The following SLC39A11 variants were observed in gnomAD, a reference collection of about 807,000 sequenced individuals.
SLC39A11 encodes solute carrier family 39 member 11.
A neutral mutation model predicts 36.1 loss-of-function variants in SLC39A11; 33 were observed. The observed-to-expected ratio is 0.91, with a 90% CI of 0.69 to 1.22. The LOEUF (loss-of-function observed/expected upper bound fraction) is 1.22. Ranked by LOEUF, SLC39A11 falls within the 50% of genes most tolerant of loss-of-function variation. SLC39A11 has a pLI of 0.00. For synonymous variants in SLC39A11, 166 were observed against 170.3 expected, an observed-to-expected ratio of 0.97 and a Z score of 0.20; for missense variants, 432 against 430.3, an observed-to-expected ratio of 1.00 and a Z score of -0.03.
chr17:72,693,024 C>T (rs2144459037), intron 7 of SLC39A11, among the ~76,000 whole-genome samples: 1 of 152,330 alleles, frequency 6.6e-6, no homozygotes, highest in African/African-American at 2.4e-5. Flanking sequence ...TATCAGCATT[C>T]TAGGGGTTTT....
intron 4 of SLC39A11, among the ~76,000 whole-genome samples, chr17:72,962,266 A>G (rs117505483): frequency 0.018 from 2,709 of 152,140 alleles, 43 homozygotes; most frequent in Middle Eastern, 0.027. Flanking sequence ...GCCTCAAACA[A>G]CACTCCTTTT....
chr17:73,008,256 C>T (rs1464786348), intron 4 of SLC39A11, among the ~76,000 whole-genome samples: 1 of 150,046 alleles, frequency 6.7e-6, no homozygotes, highest in Non-Finnish European at 1.5e-5. Context: ...CACAGCATCC[C>T]TAGTAGCTGG....
At chr17:72,810,084 C>CAAAAAAAAAAAAA (rs10708067) in intron 6 of SLC39A11, among the ~76,000 whole-genome samples, 1 of 136,710 alleles carries the variant, frequency 7.3e-6, no homozygotes, top group African/African-American at 2.7e-5. Context: ...ACAAAAACAA[C>CAAAAAAAAAAAAA]AAAAAAAAAA....
intron 4 of SLC39A11, among the ~76,000 whole-genome samples, chr17:72,965,196 T>C (rs2466508): frequency 0.92 from 140,433 of 151,908 alleles, 65,351 homozygotes; most frequent in Non-Finnish European, 0.98. Flanking sequence ...CATGTATACA[T>C]ATGTAACAAA....
chr17:72,732,040 C>CTTTTTTTTTTTTTTTTTTTTTTT (rs764728558), intron 7 of SLC39A11, among the ~76,000 whole-genome samples: 20 of 33,656 alleles, frequency 5.9e-4, no homozygotes, highest in South Asian at 2.2e-3. Flanking sequence ...CTTTTCTTTT[C>CTTTTTTTTTTTTTTTTTTTTTTT]TTTTTTTTTT....
rs1315814729 is a variant in SLC39A11, at chr17:72,678,850, G to A, written c.672-29582C>T. Among the ~76,000 whole-genome samples, 3 of 152,236 alleles carry A rather than the reference G, an allele frequency of 2.0e-5. No individual in the cohort carries two copies. In the East Asian group the frequency reaches 5.8e-4, roughly 29 times the overall value. On this transcript the variant is annotated intron_variant, in intron 7 of 9. Transcript: ENST00000255559. Reference sequence around the variant, plus strand: ...GAATAGTGCTTGAGGCTGTTCACAAGAGCCAAGACAGGGAGTCAACCTGTG... The same window carrying A: ...GAATAGTGCTTGAGGCTGTTCACAAAAGCCAAGACAGGGAGTCAACCTGTG...
rs2079634102 is a variant in SLC39A11 at position 72,856,188 on chromosome 17, CAG to C, written c.431-6386_431-6385del. On this transcript the variant is annotated intron_variant, in intron 5 of 9. Transcript: ENST00000255559. ...GAAGGCTGTGTCACTTACCCATGAACAGAGTTTGCAAGTTCTCATTATGCCGC... is the reference window on the plus strand; with the variant it reads ...GAAGGCTGTGTCACTTACCCATGAACAGTTTGCAAGTTCTCATTATGCCGC... 2.0e-5 allele frequency among the ~76,000 whole-genome samples: 3 copies of C among 152,156 alleles called. 1 individual carries two copies. The South Asian group carries it at 6.2e-4, about 32-fold the overall frequency.
chr17:72,872,720 G>T (rs555384707), intron 5 of SLC39A11, among the ~76,000 whole-genome samples: 4 of 152,106 alleles, frequency 2.6e-5, no homozygotes, highest in Non-Finnish European at 5.9e-5. Flanking sequence ...TGTGGGGACT[G>T]AAACTGTCTT....
chr17:72,725,547 CCTT>C (rs1039114995), intron 7 of SLC39A11: 1 of 152,212 alleles, frequency 6.6e-6, no homozygotes, highest in African/African-American at 2.4e-5. Context: ...TGCAGATACA[CCTT>C]CTGTACAAGC....
At chr17:72,933,701 G>T (rs750786431) in intron 5 of SLC39A11, among the ~76,000 whole-genome samples, 9 of 152,082 alleles carry the variant, frequency 5.9e-5, no homozygotes, top group Non-Finnish European at 1.2e-4. Context: ...TGTATTTTTA[G>T]TAAAGATGGG....
chr17:73,050,729 T>C (rs916992112), intron 3 of SLC39A11, among the ~76,000 whole-genome samples: 1 of 152,098 alleles, frequency 6.6e-6, no homozygotes, highest in Non-Finnish European at 1.5e-5. Flanking sequence ...CCTCCCAAAG[T>C]GCTGGGATTA....
intron 4 of SLC39A11, among the ~76,000 whole-genome samples, chr17:73,028,549 A>T (rs1251955281): frequency 6.6e-6 from 1 of 152,136 alleles, no homozygotes; most frequent in African/African-American, 2.4e-5. Flanking sequence ...TCTAAGACAA[A>T]TTCCCCCTCT....
intron 6 of SLC39A11, among the ~76,000 whole-genome samples, chr17:72,740,955 G>C (rs1013802282): frequency 8.6e-5 from 13 of 151,908 alleles, no homozygotes; most frequent in Middle Eastern, 6.8e-3. Flanking sequence ...TGTATTTTTA[G>C]TAGAGACGGG....
At chr17:72,737,362 T>C (rs1172636326) in intron 6 of SLC39A11, among the ~76,000 whole-genome samples, 1 of 152,232 alleles carries the variant, frequency 6.6e-6, no homozygotes, top group Non-Finnish European at 1.5e-5. Flanking sequence ...GCCATGCTCA[T>C]TGGCTGACGA....
chr17:73,056,392 C>A (rs957403455), intron 3 of SLC39A11, among the ~76,000 whole-genome samples: 14 of 152,288 alleles, frequency 9.2e-5, no homozygotes, highest in African/African-American at 3.1e-4. Context: ...TGGTCTGGAA[C>A]TCCTGACCTC....
chr17:72,849,480 A>G, intron 6 of SLC39A11, 154 bp downstream of exon 6: 1 of 699,858 alleles, frequency 1.4e-6, no homozygotes, highest in Non-Finnish European at 2.1e-6. Flanking sequence ...CGATCAAAAA[A>G]TAAAGCCAAG....
intron 4 of SLC39A11, among the ~76,000 whole-genome samples, chr17:72,985,000 C>T (rs2088608583): frequency 1.3e-5 from 2 of 152,228 alleles, no homozygotes; most frequent in African/African-American, 4.8e-5. Context: ...ATTCTCCCCT[C>T]CAAAAATCCA....
intron 4 of SLC39A11, among the ~76,000 whole-genome samples, chr17:72,967,370 C>CAGAGAG (rs72044418): frequency 0.013 from 1,434 of 110,070 alleles, 15 homozygotes; most frequent in South Asian, 0.017. Flanking sequence ...TAAGCATGCT[C>CAGAGAG]AGAGAGAGAG....
At chr17:72,772,374 C>T (rs943672788) in intron 6 of SLC39A11, among the ~76,000 whole-genome samples, 1 of 152,138 alleles carries the variant, frequency 6.6e-6, no homozygotes, top group Non-Finnish European at 1.5e-5. Flanking sequence ...TTATTTATCT[C>T]GATGTTTTAT....
Sources: allele counts gnomAD v4.1 joint callset (sites outside exome capture counted in the v4.1 genomes callset), GRCh38; gene constraint gnomAD v4.1.1; transcripts MANE v1.5; gene names NCBI Gene and HGNC (gene_info 2026-07-23, HGNC 2026-07-21).